Variants in GRM7 observed in about 807,000 individuals in gnomAD.
GRM7 encodes the protein glutamate metabotropic receptor 7.
A neutral mutation model predicts 84.5 loss-of-function variants in GRM7; 35 were observed. The observed-to-expected ratio is 0.41, with a 90% CI of 0.32 to 0.55. GRM7 has a LOEUF of 0.55. GRM7 is among the 20% of genes least tolerant of loss of function. The pLI, the probability that GRM7 is intolerant of heterozygous loss-of-function variation, is 0.19. For missense variants in GRM7, 1,003 were observed against 1,194.6 expected, an observed-to-expected ratio of 0.84 and a Z score of 2.36; for synonymous variants, 487 against 455.1, an observed-to-expected ratio of 1.07 and a Z score of -0.89.
chr3:6,955,798 T>G (rs1465929704), intron 1 of GRM7, among the ~76,000 whole-genome samples: 1 of 147,574 alleles, frequency 6.8e-6, no homozygotes, highest in Non-Finnish European at 1.5e-5. Context: ...GTCGAGATCA[T>G]GCCACTGCAC....
intron 4 of GRM7, among the ~76,000 whole-genome samples, chr3:7,384,854 C>T (rs1051805636): frequency 1.3e-5 from 2 of 152,140 alleles, no homozygotes; most frequent in African/African-American, 4.8e-5. Flanking sequence ...AAAAACTGGC[C>T]ACACTTCCCC....
intron 5 of GRM7, among the ~76,000 whole-genome samples, chr3:7,426,845 T>A (rs1696630721): frequency 6.6e-6 from 1 of 152,206 alleles, no homozygotes; most frequent in East Asian, 1.9e-4. Flanking sequence ...AAGTGGTTGT[T>A]GAGAAACTAC....
chr3:7,065,380 A>G (rs111351558), intron 1 of GRM7, among the ~76,000 whole-genome samples: 17,346 of 151,874 alleles, frequency 0.11, 1,292 homozygotes, highest in African/African-American at 0.21. Context: ...GGTGAGAGAC[A>G]AGGATCCAGT....
At chr3:7,503,086 A>C (rs1699932090) in intron 7 of GRM7, among the ~76,000 whole-genome samples, 1 of 152,166 alleles carries the variant, frequency 6.6e-6, no homozygotes, top group African/African-American at 2.4e-5. Context: ...TTACAATCAC[A>C]AGGAGCGCCT....
chr3:7,076,440 A>T (rs1163524315), intron 1 of GRM7, among the ~76,000 whole-genome samples: 1 of 152,090 alleles, frequency 6.6e-6, no homozygotes, highest in East Asian at 1.9e-4. Flanking sequence ...ATGTGTTTAT[A>T]AGTGGAAGTT....
chr3:6,990,314 A>G (rs1010268856), intron 1 of GRM7, among the ~76,000 whole-genome samples: 1 of 152,242 alleles, frequency 6.6e-6, no homozygotes, highest in Non-Finnish European at 1.5e-5. Context: ...CTTTAAAAGG[A>G]AGCAAATAAA....
intron 8 of GRM7, among the ~76,000 whole-genome samples, chr3:7,652,081 C>G (rs1192249004): frequency 6.6e-6 from 1 of 152,216 alleles, no homozygotes; most frequent in Non-Finnish European, 1.5e-5. Flanking sequence ...CCTGAGCAAA[C>G]CATGCTTTAA....
At position 7,701,986 on chromosome 3, in the gene GRM7, C is replaced by T. The variant is rs560302187; in HGVS notation, c.2698+21691C>T. 2.0e-5 allele frequency among the ~76,000 whole-genome samples: 3 copies of T among 152,194 alleles called. No homozygotes were observed. In the South Asian group the frequency reaches 6.2e-4, roughly 32 times the overall value. On this transcript the variant is annotated intron_variant, in intron 9 of 9. Transcript: ENST00000357716. ...GGAGTTTCAATGCATGCATTTTCAG[C>T]TAACATGCATTGGACCACATGAAGT... is the stretch of plus-strand genomic sequence containing the variant.
At chr3:7,319,643 A>G (rs1435155922) in intron 4 of GRM7, among the ~76,000 whole-genome samples, 2 of 152,058 alleles carry the variant, frequency 1.3e-5, no homozygotes, top group Non-Finnish European at 2.9e-5. Flanking sequence ...TACTATTTGA[A>G]TATATCTACT....
intron 7 of GRM7, among the ~76,000 whole-genome samples, chr3:7,513,251 T>C (rs1335305234): frequency 1.3e-5 from 2 of 152,070 alleles, no homozygotes; most frequent in Non-Finnish European, 2.9e-5. Context: ...ACAGGAGGAG[T>C]GGACCATCAA....
chr3:7,455,261 T>C lies in GRM7; in HGVS notation c.1375+2454T>C, dbSNP rs919578632. ...AGATGGAAATACAAAGTCGCCCTTT[T>C]GTAAAGACCTAAGTAGTAATTTTTT... On this transcript the variant is annotated intron_variant, in intron 6 of 9. Transcript: ENST00000357716. 1.1e-4 allele frequency among the ~76,000 whole-genome samples: 17 copies of C among 152,170 alleles called. 1 individual carries two copies. Among genetic ancestry groups the C allele is most frequent in the African/African-American group, 4.1e-4 (17 of 41,452 alleles).
intron 1 of GRM7, among the ~76,000 whole-genome samples, chr3:6,970,818 A>C (rs995714255): frequency 3.3e-5 from 5 of 152,056 alleles, no homozygotes; most frequent in African/African-American, 1.2e-4. Context: ...TTTCTACTAA[A>C]CAAAATACAA....
At chr3:7,196,971 TGAAACACTTTAATAGATG>T (rs1695900039) in intron 2 of GRM7, among the ~76,000 whole-genome samples, 1 of 152,170 alleles carries the variant, frequency 6.6e-6, no homozygotes, top group East Asian at 1.9e-4. Context: ...AGGGGCAATT[TGAAACACTTTAATAGATG>T]GTTTTCTACC....
intron 4 of GRM7, among the ~76,000 whole-genome samples, chr3:7,336,842 G>T (rs148568333): frequency 6.6e-6 from 1 of 151,430 alleles, no homozygotes; most frequent in African/African-American, 2.4e-5. Context: ...AACCAAGGAG[G>T]CGAAAGATCT....
intron 1 of GRM7, among the ~76,000 whole-genome samples, chr3:7,106,462 C>G (rs1310717741): frequency 6.7e-6 from 1 of 148,416 alleles, no homozygotes; most frequent in Non-Finnish European, 1.5e-5. Context: ...CTTGGGCAGC[C>G]AAAAAGGAAA....
chr3:7,001,673 A>G (rs1474451061), intron 1 of GRM7, among the ~76,000 whole-genome samples: 3 of 146,810 alleles, frequency 2.0e-5, no homozygotes, highest in Non-Finnish European at 1.5e-5. Context: ...TAAAAACTGA[A>G]TTAAGGACGT....
intron 8 of GRM7, among the ~76,000 whole-genome samples, chr3:7,588,418 G>T (rs760275769): frequency 6.6e-6 from 1 of 152,132 alleles, no homozygotes; most frequent in African/African-American, 2.4e-5. Flanking sequence ...GGCTCTGTTC[G>T]CCTGGCTGGG....
intron 5 of GRM7, among the ~76,000 whole-genome samples, chr3:7,420,619 G>A (rs1452197193): frequency 1.3e-5 from 2 of 151,894 alleles, no homozygotes; most frequent in African/African-American, 2.4e-5. Flanking sequence ...TCTAAATATC[G>A]GAGTCTTGGT....
chr3:7,629,444 C>G (rs1323736297), intron 8 of GRM7, among the ~76,000 whole-genome samples: 2 of 152,180 alleles, frequency 1.3e-5, no homozygotes, highest in Non-Finnish European at 2.9e-5. Context: ...ACTATGTCCT[C>G]ACATGACCTT....
Sources: gnomAD v4.1 joint callset for allele counts (sites outside exome capture counted in the v4.1 genomes callset) on GRCh38, gnomAD v4.1.1 for gene constraint, MANE v1.5 for transcripts, NCBI Gene and HGNC (gene_info 2026-07-23, HGNC 2026-07-21) for gene names.